Variants in GNB1 observed in about 807,000 individuals in gnomAD.
GNB1 encodes the protein guanine nucleotide-binding protein G(I)/G(S)/G(T) subunit beta-1.
GNB1 carries 2 observed loss-of-function variants against 42.9 expected under a neutral mutation model. The observed-to-expected ratio is 0.05, with a 90% CI of 0.02 to 0.15. The LOEUF (loss-of-function observed/expected upper bound fraction) is 0.15, where lower values mean the gene tolerates loss of function less well. Among genes scored for constraint, GNB1 ranks in the 10% least tolerant of loss-of-function variants. GNB1 has a pLI of 1.00. For synonymous variants in GNB1, 183 were observed against 174.7 expected, an observed-to-expected ratio of 1.05 and a Z score of -0.38; for missense variants, 193 against 462.2, an observed-to-expected ratio of 0.42 and a Z score of 5.34.
intron 10 of GNB1, chr1:1,788,685 T>G: frequency 4.9e-6 from 1 of 205,288 alleles, no homozygotes; most frequent in Non-Finnish European, 1.0e-5. Context: ...AATAACACGC[T>G]TGCCTTTGAT....
intron 1 of GNB1, among the ~76,000 whole-genome samples, chr1:1,880,419 T>A (rs889156126): frequency 3.3e-5 from 5 of 151,922 alleles, no homozygotes; most frequent in Admixed American, 2.0e-4. Context: ...AAACCCCGCC[T>A]CTACTAAAAA....
At chr1:1,879,912 G>T (rs555268467) in intron 1 of GNB1, among the ~76,000 whole-genome samples, 2 of 152,106 alleles carry the variant, frequency 1.3e-5, no homozygotes, top group South Asian at 4.2e-4. Context: ...GCTGGAAAAA[G>T]AAAAGAGCTG....
chr1:1,790,669 T>A lies in GNB1; in HGVS notation c.498-73A>T, dbSNP rs1646469914. On this transcript the variant is annotated intron_variant, in intron 8 of 11. Transcript: ENST00000378609. This position sits in a 1 kb window ranked among gnomAD's most constrained non-coding sequence, Gnocchi z 5.4. The stretch of plus-strand genomic sequence containing the variant: ...GTGGCTAGTCATGTGACAGACAATC[T>A]GTCCTTCAAACCACCCAGGGCCACA... The A allele has an allele frequency of 9.5e-7, 1 of 1,050,988 alleles. No homozygotes were observed. Among genetic ancestry groups the A allele is most frequent in the Admixed American group, 1.9e-5 (1 of 53,112 alleles). 65.1% of individuals were successfully genotyped at this position (1,050,988 alleles called of 1,614,324 possible). A position where few individuals can be genotyped will look rare whatever the true frequency, so the allele number is the denominator to read the frequency against.
chr1:1,800,020 A>G (rs770755284), intron 7 of GNB1, among the ~76,000 whole-genome samples: 1 of 152,274 alleles, frequency 6.6e-6, no homozygotes, highest in Non-Finnish European at 1.5e-5. Context: ...CACACAAGAA[A>G]GACAGAGATA....
chr1:1,859,019 T>C (rs1465436101), intron 1 of GNB1, among the ~76,000 whole-genome samples: 1 of 151,914 alleles, frequency 6.6e-6, no homozygotes, highest in East Asian at 1.9e-4. Flanking sequence ...TATGGGTATT[T>C]ATTTTCTTTT....
At chr1:1,874,968 G>A (rs1035776980) in intron 1 of GNB1, among the ~76,000 whole-genome samples, 5 of 152,118 alleles carry the variant, frequency 3.3e-5, no homozygotes, top group Admixed American at 2.6e-4. Context: ...AGATCATCAG[G>A]CATTAGATTC....
At chr1:1,842,304 T>C (rs1018808367) in intron 1 of GNB1, among the ~76,000 whole-genome samples, 15 of 151,998 alleles carry the variant, frequency 9.9e-5, no homozygotes, top group East Asian at 1.9e-4. Flanking sequence ...GTGGCGGGCG[T>C]CTGTAGTCCC....
intron 5 of GNB1, among the ~76,000 whole-genome samples, chr1:1,810,998 G>C (rs1646768984): frequency 6.7e-6 from 1 of 149,706 alleles, no homozygotes; most frequent in Admixed American, 6.7e-5. Flanking sequence ...GTTTTGTTTT[G>C]TTTTTTGAGG....
chr1:1,794,308 A>T (rs1306803817), intron 7 of GNB1: 1 of 152,174 alleles, frequency 6.6e-6, no homozygotes, highest in Non-Finnish European at 1.5e-5. Context: ...GAGGCAGGAG[A>T]ATCATTTGAA....
At chr1:1,800,083 G>A (rs916319568) in intron 7 of GNB1, among the ~76,000 whole-genome samples, 7 of 152,106 alleles carry the variant, frequency 4.6e-5, no homozygotes, top group African/African-American at 9.7e-5. Context: ...GAATGTAACC[G>A]GACACAAAGT....
rs527939955 is a variant in GNB1 at position 1,833,388 on chromosome 1, GAA to G, written c.-47+5800_-47+5801del. ...GACTGTGGGAATTCAAAGGGCAACG[GAA>G]AAAGTCCTCAGGCCCTGCTTCCCTT... On this transcript the variant is annotated intron_variant, in intron 2 of 11. Coordinates refer to ENST00000378609, the MANE Select transcript of GNB1 (RefSeq NM_002074.5). 6.4e-3 allele frequency among the ~76,000 whole-genome samples: 981 copies of G among 152,282 alleles called. 16 individuals carry two copies. The highest frequency in any genetic ancestry group is 0.023 in the African/African-American group (938 of 41,546).
rs1406533728 is a variant in GNB1, at chr1:1,804,393, T to C, written c.430+26A>G. The stretch of plus-strand genomic sequence containing the variant: ...CCCCAGGTAAACAGCTTGTGTCACT[T>C]GAAGCTTATGAACAAGGACAGGTAC... On this transcript the variant is annotated intron_variant, in intron 7 of 11. Coordinates refer to ENST00000378609, the MANE Select transcript of GNB1 (RefSeq NM_002074.5). The C allele has an allele frequency of 1.9e-6, 3 of 1,581,234 alleles. No homozygotes were observed. In the Admixed American group the frequency reaches 5.0e-5, roughly 26 times the overall value.
chr1:1,876,823 C>G (rs1036551478), intron 1 of GNB1, among the ~76,000 whole-genome samples: 1 of 152,120 alleles, frequency 6.6e-6, no homozygotes, highest in African/African-American at 2.4e-5. Flanking sequence ...GACAAGAAAA[C>G]TAAGGTAGAG....
intron 1 of GNB1, among the ~76,000 whole-genome samples, chr1:1,882,916 G>A (rs1347963179): frequency 3.4e-5 from 5 of 148,950 alleles, no homozygotes; most frequent in East Asian, 1.9e-4. Flanking sequence ...GCAAGACTCC[G>A]TCTCAAAAAA....
chr1:1,861,244 G>A (rs1648610631), intron 1 of GNB1, among the ~76,000 whole-genome samples: 1 of 151,940 alleles, frequency 6.6e-6, no homozygotes, highest in South Asian at 2.1e-4. Flanking sequence ...ACTGTTAGAA[G>A]CCAGGACTTG....
chr1:1,802,082 C>CA (rs1211258151), intron 7 of GNB1, among the ~76,000 whole-genome samples: 1 of 152,158 alleles, frequency 6.6e-6, no homozygotes, highest in Non-Finnish European at 1.5e-5. Context: ...CACAGATTGA[C>CA]AGAATTAACA....
At chr1:1,868,066 T>C (rs761646948) in intron 1 of GNB1, among the ~76,000 whole-genome samples, 2 of 152,236 alleles carry the variant, frequency 1.3e-5, no homozygotes, top group African/African-American at 4.8e-5. Flanking sequence ...TTCAAGCACA[T>C]GCATATAGGA....
chr1:1,831,823 C>T (rs1432529733), intron 2 of GNB1, among the ~76,000 whole-genome samples: 1 of 149,512 alleles, frequency 6.7e-6, no homozygotes, highest in Admixed American at 6.8e-5. Flanking sequence ...CTTTGGGAGG[C>T]TGAGGCTGGC....
At chr1:1,877,298 CAAA>C (rs67155402) in intron 1 of GNB1, among the ~76,000 whole-genome samples, 26 of 124,742 alleles carry the variant, frequency 2.1e-4, no homozygotes, top group African/African-American at 6.3e-4. Context: ...GACTCTGTCT[CAAA>C]AAAAAAAAAA....
Sources: allele counts gnomAD v4.1 joint callset (sites outside exome capture counted in the v4.1 genomes callset), GRCh38; gene constraint gnomAD v4.1.1; non-coding constraint Gnocchi (gnomAD v3.1); transcripts MANE v1.5; gene names NCBI Gene and HGNC (gene_info 2026-07-23, HGNC 2026-07-21).